The following CD72 variants were observed in gnomAD, a reference collection of about 807,000 sequenced individuals.
The protein encoded by CD72 is CD72 molecule.
In CD72, 28 loss-of-function variants were observed where a neutral mutation model predicts 50.7. The ratio of observed to expected loss-of-function variants is 0.55; its 90% confidence interval spans 0.41 to 0.76. CD72 has a LOEUF of 0.76. CD72 is among the 30% of genes least tolerant of loss of function. The pLI, the probability that CD72 is intolerant of heterozygous loss-of-function variation, is 0.00. For synonymous variants in CD72, 176 were observed against 171.2 expected (o/e 1.03, Z -0.22); for missense variants, 403 against 420.6 (o/e 0.96, Z 0.37).
intron 1 of CD72, among the ~76,000 whole-genome samples, chr9:35,633,325 T>C (rs574076164): frequency 1.3e-5 from 2 of 152,152 alleles, no homozygotes; most frequent in South Asian, 4.1e-4. Flanking sequence ...TTGATTTCTT[T>C]TCTTATTCTT....
chr9:35,613,555 G>A (rs532950045), intron 5 of CD72, among the ~76,000 whole-genome samples: 2 of 151,902 alleles, frequency 1.3e-5, no homozygotes, highest in African/African-American at 4.8e-5. Context: ...CTGATCCCAG[G>A]CCACCTCTCT....
At chr9:35,631,817 G>A (rs1175869378) in intron 1 of CD72, among the ~76,000 whole-genome samples, 1 of 152,102 alleles carries the variant, frequency 6.6e-6, no homozygotes, top group Non-Finnish European at 1.5e-5. Flanking sequence ...GTGAACCCGG[G>A]AGACGGAGCT....
upstream of CD72, among the ~76,000 whole-genome samples, chr9:35,622,277 C>T (rs1823151564): frequency 6.6e-6 from 1 of 152,176 alleles, no homozygotes; most frequent in Admixed American, 6.5e-5. Context: ...ATGAGGGAGA[C>T]TTGGATTTCT....
rs34791102 is a variant in CD72, at chr9:35,612,981, G to A, written c.701C>T (p.Pro234Leu). 90,688 of 1,610,006 alleles carry A rather than the reference G, an allele frequency of 0.056. 3,067 individuals are homozygous for A. The highest frequency in any genetic ancestry group is 0.14 in the African/African-American group (10,332 of 74,906). Reference protein sequence around the residue: ...FTCGSADTCCPSGWIMHQKSC... With the variant: ...FTCGSADTCCLSGWIMHQKSC... The stretch of plus-strand genomic sequence containing the variant: ...TTTCTGATGCATTATCCATCCCGAC[G>A]GACAGCAGGTGTCTAAAAAGCAGAA... The change falls in exon 6 of 9, where the codon CCG becomes CTG. Residue 234 changes from proline to leucine, a missense_variant. Pro to Leu is a moderately conservative substitution (Grantham distance 98). Coordinates refer to ENST00000259633, the MANE Select transcript of CD72 (RefSeq NM_001782.3).
At chr9:35,613,872 G>A (rs1823028925) in intron 5 of CD72, among the ~76,000 whole-genome samples, 3 of 152,110 alleles carry the variant, frequency 2.0e-5, no homozygotes, top group Non-Finnish European at 1.5e-5. Context: ...AGGCACCATG[G>A]CGCATGCCTA....
chr9:35,642,784 A>C (rs1418392889), intron 1 of CD72: 1 of 152,200 alleles, frequency 6.6e-6, no homozygotes, highest in African/African-American at 2.4e-5. Context: ...CATATTCGGC[A>C]GAAGCCTGTT....
intron 7 of CD72, among the ~76,000 whole-genome samples, chr9:35,611,365 G>A (rs1822981563): frequency 6.6e-6 from 1 of 152,194 alleles, no homozygotes; most frequent in African/African-American, 2.4e-5. Flanking sequence ...TGATCACAGT[G>A]AAGTGGAGCT....
At chr9:35,616,979 C>T in intron 3 of CD72, 197 bp downstream of exon 3, 1 of 1,442,006 alleles carries the variant, frequency 6.9e-7, no homozygotes, top group Non-Finnish European at 9.1e-7. Flanking sequence ...TGAATTGGGA[C>T]CATCCGCAGG....
At chr9:35,638,963 G>A (rs973527241) in intron 1 of CD72, among the ~76,000 whole-genome samples, 3 of 152,052 alleles carry the variant, frequency 2.0e-5, no homozygotes, top group Admixed American at 6.5e-5. Flanking sequence ...TGGCCCGCTT[G>A]GCAGCAACCC....
intron 5 of CD72, 74 bp from the exon 6 acceptor site, chr9:35,613,067 A>G (rs561697168): frequency 2.6e-5 from 34 of 1,287,104 alleles, no homozygotes; most frequent in Non-Finnish European, 3.3e-5. Flanking sequence ...TTTGCTAACA[A>G]TATTCCCCCA....
chr9:35,616,841 G>A, intron 3 of CD72, 152 bp from the exon 4 acceptor site: 1 of 996,788 alleles, frequency 1.0e-6, no homozygotes, highest in South Asian at 1.5e-5. Flanking sequence ...GTTTCTGTCG[G>A]GTAGCGGGGT....
chr9:35,623,494 T>C (rs1433066490), upstream of CD72, among the ~76,000 whole-genome samples: 1 of 152,170 alleles, frequency 6.6e-6, no homozygotes, highest in Non-Finnish European at 1.5e-5. Context: ...TTACTTTGTG[T>C]TTTTTATCCC....
intron 1 of CD72, among the ~76,000 whole-genome samples, chr9:35,635,826 C>A (rs1317777634): frequency 2.0e-5 from 3 of 152,112 alleles, no homozygotes; most frequent in African/African-American, 7.2e-5. Flanking sequence ...TGCTTGGAGC[C>A]CAGAGGAGCC....
intron 7 of CD72, among the ~76,000 whole-genome samples, chr9:35,611,266 A>G (rs1248848618): frequency 6.6e-6 from 1 of 151,388 alleles, no homozygotes; most frequent in Admixed American, 6.6e-5. Context: ...AAAAAAAAAG[A>G]TGGGAAGGCC....
chr9:35,637,534 A>G (rs1481862509), intron 1 of CD72, among the ~76,000 whole-genome samples: 3 of 151,488 alleles, frequency 2.0e-5, no homozygotes, highest in Non-Finnish European at 4.4e-5. Flanking sequence ...CTACCCTTCA[A>G]TCTCCCTCTC....
intron 1 of CD72, among the ~76,000 whole-genome samples, chr9:35,626,938 G>A (rs771141819): frequency 4.6e-5 from 7 of 151,022 alleles, no homozygotes; most frequent in Non-Finnish European, 7.4e-5. Context: ...TGCAAGCTCC[G>A]CCTCCTGGGA....
chr9:35,633,305 A>G (rs1823263096), intron 1 of CD72, among the ~76,000 whole-genome samples: 1 of 137,978 alleles, frequency 7.2e-6, no homozygotes, highest in South Asian at 2.3e-4. Context: ...TTTAGTTATT[A>G]TTTTCTGATT....
At chr9:35,610,940 T>C (rs1370307003) in intron 7 of CD72, among the ~76,000 whole-genome samples, 187 bp from the exon 8 acceptor site, 1 of 151,992 alleles carries the variant, frequency 6.6e-6, no homozygotes. Context: ...GAGGGAAAAA[T>C]AACTCGAGAT....
rs537877753 is a variant in CD72, at chr9:35,636,733, G to A, written n.408+9670C>T. On this transcript the variant is annotated intron_variant and non_coding_transcript_variant, in intron 1 of 3. Transcript: ENST00000465754. The stretch of plus-strand genomic sequence containing the variant: ...TGGGAGGCCTAGGCGGGTGGATCAC[G>A]AGGTCAGAAATGAAGAGAGTATCTG... Among the ~76,000 whole-genome samples, 12 of 152,264 alleles carry A rather than the reference G, an allele frequency of 7.9e-5. No individual in the cohort carries two copies. The East Asian group carries it at 1.5e-3, about 20-fold the overall frequency.
Sources: allele counts gnomAD v4.1 joint callset (sites outside exome capture counted in the v4.1 genomes callset), GRCh38; gene constraint gnomAD v4.1.1; transcripts MANE v1.5; gene names NCBI Gene and HGNC (gene_info 2026-07-23, HGNC 2026-07-21).